The following PTPRJ variants were observed in gnomAD, a reference collection of about 807,000 sequenced individuals.
PTPRJ encodes receptor-type tyrosine-protein phosphatase eta.
PTPRJ carries 129 observed loss-of-function variants against 141.3 expected under a neutral mutation model. The ratio of observed to expected loss-of-function variants is 0.91; its 90% CI spans 0.79 to 1.06. The LOEUF (loss-of-function observed/expected upper bound fraction) is 1.06, where lower values mean the gene tolerates loss of function less well. PTPRJ is among the 50% of genes least tolerant of loss of function. PTPRJ has a pLI of 0.00. For missense variants in PTPRJ, 1,601 were observed against 1,679.7 expected (o/e 0.95, Z 0.82); for synonymous variants, 610 against 640.5 (o/e 0.95, Z 0.72).
At chr11:47,982,651 A>AT (rs897146907) in intron 1 of PTPRJ, among the ~76,000 whole-genome samples, 192 of 148,500 alleles carry the variant, frequency 1.3e-3, no homozygotes, top group African/African-American at 3.4e-3. Flanking sequence ...AATATATGTA[A>AT]TTTTTTTTTT....
chr11:48,160,206 T>C (rs1857733075), intron 22 of PTPRJ, among the ~76,000 whole-genome samples, 157 bp downstream of exon 22: 2 of 152,256 alleles, frequency 1.3e-5, no homozygotes, highest in Non-Finnish European at 2.9e-5. Flanking sequence ...TATGCATGTA[T>C]ACTCCAAGGC....
intron 1 of PTPRJ, among the ~76,000 whole-genome samples, chr11:48,043,203 A>T (rs771721303): frequency 1.6e-4 from 24 of 152,102 alleles, no homozygotes; most frequent in Non-Finnish European, 3.4e-4. Flanking sequence ...ATATTTAGCC[A>T]GATATTTTAT....
In PTPRJ at chr11:48,127,847, A is replaced by G. The variant is rs1382248863; in HGVS notation, c.1161A>G (p.Lys387=). Residue 387 remains lysine (K), a synonymous_variant, in exon 7 of 25, where the codon AAA becomes AAG. Transcript: ENST00000418331. ...CCACAAGCCTGACCCTGATCTGGAA[A>G]GTCAGCGATAACGAGTCGTCATCTA... is the stretch of plus-strand genomic sequence containing the variant. ...ISATSLTLIW[K]VSDNESSSNY... is the part of the protein sequence containing the mutation. The G allele has an allele frequency of 1.2e-6, 2 of 1,614,196 alleles. No individual in the cohort carries two copies. The highest frequency in any genetic ancestry group is 2.2e-5 in the East Asian group (1 of 44,876).
intron 24 of PTPRJ, 63 bp from the exon 25 acceptor site, chr11:48,167,141 T>C (rs1314625679): frequency 3.4e-6 from 5 of 1,490,802 alleles, no homozygotes; most frequent in Non-Finnish European, 4.6e-6. Context: ...TGAAAATAAT[T>C]TTGGGTGCTA....
intron 11 of PTPRJ, among the ~76,000 whole-genome samples, chr11:48,140,732 A>G (rs962142700): frequency 4.6e-5 from 7 of 152,262 alleles, no homozygotes; most frequent in Non-Finnish European, 8.8e-5. Flanking sequence ...CCACACTGAA[A>G]AAAAAGTGAA....
intron 8 of PTPRJ, among the ~76,000 whole-genome samples, chr11:48,131,256 T>C (rs1856976829): frequency 6.6e-6 from 1 of 151,786 alleles, no homozygotes. Flanking sequence ...CTAATTTTTA[T>C]AGTTTTAGTA....
chr11:48,063,197 A>C (rs1854986963), intron 1 of PTPRJ, among the ~76,000 whole-genome samples: 1 of 152,044 alleles, frequency 6.6e-6, no homozygotes. Flanking sequence ...GCGTGGTGGC[A>C]CACGTCTGTA....
intron 1 of PTPRJ, among the ~76,000 whole-genome samples, chr11:48,072,857 A>T (rs1855298013): frequency 6.6e-6 from 1 of 152,256 alleles, no homozygotes; most frequent in Non-Finnish European, 1.5e-5. Flanking sequence ...AATGAAGCCC[A>T]TTAAAACCCC....
intron 5 of PTPRJ, among the ~76,000 whole-genome samples, chr11:48,124,106 G>A (rs1565314657): frequency 6.6e-6 from 1 of 152,188 alleles, no homozygotes; most frequent in Non-Finnish European, 1.5e-5. Context: ...ACTTTTTAGA[G>A]TCTGGCACCC....
intron 1 of PTPRJ, 77 bp downstream of exon 1, chr11:47,981,085 C>A: frequency 8.5e-7 from 1 of 1,173,332 alleles, no homozygotes; most frequent in Middle Eastern, 3.4e-4. Context: ...CCCGAGCGTA[C>A]CCCCCCGGGG....
chr11:48,019,382 C>A (rs531267790), intron 1 of PTPRJ, among the ~76,000 whole-genome samples: 1 of 151,366 alleles, frequency 6.6e-6, no homozygotes, highest in South Asian at 2.1e-4. Flanking sequence ...CCGAACCCCA[C>A]CTCCTTTCTC....
chr11:48,072,978 C>G (rs1231541873), intron 1 of PTPRJ, among the ~76,000 whole-genome samples: 3 of 152,180 alleles, frequency 2.0e-5, no homozygotes, highest in Non-Finnish European at 4.4e-5. Flanking sequence ...CTTGTGGCTA[C>G]AGTAAAAATG....
intron 1 of PTPRJ, among the ~76,000 whole-genome samples, chr11:48,002,660 C>A (rs967681399): frequency 1.3e-5 from 2 of 152,140 alleles, no homozygotes; most frequent in Non-Finnish European, 2.9e-5. Context: ...TGCTTTTCTT[C>A]GTTGTGATTA....
At chr11:48,013,712 T>C (rs1854874612) in intron 1 of PTPRJ, among the ~76,000 whole-genome samples, 1 of 152,064 alleles carries the variant, frequency 6.6e-6, no homozygotes, top group Non-Finnish European at 1.5e-5. Flanking sequence ...GTGAGGGAGC[T>C]GTTGCCAGGA....
At chr11:48,003,582 G>A (rs1361546643) in intron 1 of PTPRJ, among the ~76,000 whole-genome samples, 5 of 152,082 alleles carry the variant, frequency 3.3e-5, no homozygotes, top group Admixed American at 1.3e-4. Flanking sequence ...TGCAACGTCC[G>A]CCTCCCAGGT....
chr11:47,987,090 C>T lies in PTPRJ; in HGVS notation c.96+6082C>T, dbSNP rs938363259. The stretch of plus-strand genomic sequence containing the variant: ...GGGCATGGTGGTGTGGACCTGTGGT[C>T]CCACCTACTTGAGAGGCTGAGTTGG... On this transcript the variant is annotated intron_variant, in intron 1 of 24. Transcript: ENST00000418331. Among the ~76,000 whole-genome samples the T allele has an allele frequency of 2.0e-5, 3 of 152,114 alleles. No homozygotes were observed. The South Asian group carries it at 6.2e-4, about 32-fold the overall frequency.
At position 48,016,324 on chromosome 11, in the gene PTPRJ, G is replaced by A. The variant is rs552520184; in HGVS notation, c.96+35316G>A. ...CACTCGTTATCCTCATAGTAGCCCA[G>A]GGTAGAAAAGGAGAGGATGAGTGGG... On this transcript the variant is annotated intron_variant, in intron 1 of 24. Coordinates refer to ENST00000418331, the MANE Select transcript of PTPRJ (RefSeq NM_002843.4). Among the ~76,000 whole-genome samples, 134 of 152,336 alleles carry A rather than the reference G, an allele frequency of 8.8e-4. 1 individual carries two copies. Among genetic ancestry groups the A allele is most frequent in the African/African-American group, 2.9e-3 (122 of 41,574 alleles).
At chr11:48,028,633 A>G (rs1174834848) in intron 1 of PTPRJ, among the ~76,000 whole-genome samples, 1 of 152,232 alleles carries the variant, frequency 6.6e-6, no homozygotes, top group Non-Finnish European at 1.5e-5. Context: ...TCTACTAAAA[A>G]TACAAAAATT....
intron 1 of PTPRJ, among the ~76,000 whole-genome samples, chr11:47,995,453 T>G (rs1346688658): frequency 6.6e-6 from 1 of 152,190 alleles, no homozygotes; most frequent in Non-Finnish European, 1.5e-5. Flanking sequence ...TGGGCCAGTC[T>G]CACAGGTGGG....
Sources: gnomAD v4.1 joint callset for allele counts (sites outside exome capture counted in the v4.1 genomes callset) on GRCh38, gnomAD v4.1.1 for gene constraint, MANE v1.5 for transcripts, NCBI Gene and HGNC (gene_info 2026-07-23, HGNC 2026-07-21) for gene names.